ABAT: variants seen among roughly 807,000 people sequenced by gnomAD.
ABAT encodes the protein 4-aminobutyrate aminotransferase.
Under a neutral mutation model 64.6 loss-of-function variants are expected in ABAT, and 45 were observed. That is an observed-to-expected ratio of 0.70 (90% CI 0.55 to 0.89). The LOEUF is 0.89. Ranked by LOEUF, ABAT falls within the 40% of genes least tolerant of loss-of-function variation. ABAT has a pLI of 0.00. For synonymous variants in ABAT, 297 were observed against 250.5 expected, an observed-to-expected ratio of 1.19 and a Z score of -1.75; for missense variants, 633 against 658.4, an observed-to-expected ratio of 0.96 and a Z score of 0.42.
chr16:8,775,496 C>G (rs767055767), intron 13 of ABAT, among the ~76,000 whole-genome samples: 1 of 152,064 alleles, frequency 6.6e-6, no homozygotes, highest in African/African-American at 2.4e-5. Flanking sequence ...AGTGACAAAG[C>G]CAGGATTCCA....
At chr16:8,745,690 T>A (rs183843091) in intron 2 of ABAT, among the ~76,000 whole-genome samples, 45 of 151,750 alleles carry the variant, frequency 3.0e-4, no homozygotes, top group African/African-American at 9.9e-4. Context: ...AGAGCAAGAC[T>A]CTGTCTCAAA....
chr16:8,690,910 G>A (rs77906579), intron 1 of ABAT, among the ~76,000 whole-genome samples: 1 of 152,286 alleles, frequency 6.6e-6, no homozygotes, highest in South Asian at 2.1e-4. Context: ...TTCTTTGTGG[G>A]TTTTCAAGGT....
At chr16:8,743,423 T>TTTTATATATATATATA (rs1288241223) in intron 2 of ABAT, among the ~76,000 whole-genome samples, 2 of 45,296 alleles carry the variant, frequency 4.4e-5, no homozygotes, top group Non-Finnish European at 3.8e-5. Context: ...ATGGAAACAG[T>TTTTATATATATATATA]TATATATATA....
At chr16:8,775,534 C>A (rs916133341) in intron 13 of ABAT, among the ~76,000 whole-genome samples, 3 of 147,718 alleles carry the variant, frequency 2.0e-5, no homozygotes, top group Non-Finnish European at 4.5e-5. Context: ...TTACCCACTA[C>A]ACTGTGTACT....
At chr16:8,734,382 C>G (rs1227557594) in intron 1 of ABAT, among the ~76,000 whole-genome samples, 1 of 152,092 alleles carries the variant, frequency 6.6e-6, no homozygotes, top group Non-Finnish European at 1.5e-5. Flanking sequence ...AGTCAGCACT[C>G]AATGGAGTAC....
intron 1 of ABAT, among the ~76,000 whole-genome samples, chr16:8,678,332 A>G (rs956942555): frequency 3.9e-5 from 6 of 152,138 alleles, no homozygotes; most frequent in African/African-American, 1.4e-4. Flanking sequence ...AGTGTGAGTT[A>G]CAACCAAAGC....
intron 9 of ABAT, among the ~76,000 whole-genome samples, chr16:8,767,706 G>C (rs901379536): frequency 6.6e-6 from 1 of 152,114 alleles, no homozygotes; most frequent in African/African-American, 2.4e-5. Flanking sequence ...ACAGAGTCTC[G>C]CTCTTGTTGA....
intron 15 of ABAT, among the ~76,000 whole-genome samples, chr16:8,780,055 C>A (rs949370595): frequency 6.6e-6 from 1 of 152,072 alleles, no homozygotes; most frequent in Non-Finnish European, 1.5e-5. Context: ...TAAGTCTTGA[C>A]AAACAGGGAT....
At position 8,781,820 on chromosome 16, in the gene ABAT, A is replaced by G. The variant is rs1185464181; in HGVS notation, c.*390A>G. The G allele has an allele frequency of 5.6e-6, 2 of 357,568 alleles. No homozygotes were observed. The highest frequency in any genetic ancestry group is 2.1e-5 in the African/African-American group (1 of 46,996). The allele number at this position is 357,568 out of a possible 1,614,324, so 22.1% of individuals were successfully genotyped here. A position where few individuals can be genotyped will look rare whatever the true frequency, so the allele number is the denominator to read the frequency against. ...AGCTGGGCCTCCTGGGTGCCAGTCCATCTCAAGTGCCATATTCTGTGATCA... is the reference window on the plus strand; with the variant it reads ...AGCTGGGCCTCCTGGGTGCCAGTCCGTCTCAAGTGCCATATTCTGTGATCA... On this transcript the variant is annotated 3_prime_UTR_variant, in exon 16 of 16. Coordinates refer to ENST00000268251, the MANE Select transcript of ABAT (RefSeq NM_020686.6). The surrounding 1 kb of genome is among the most constrained non-coding windows in gnomAD (Gnocchi z 4.5).
intron 1 of ABAT, chr16:8,683,383 A>C (rs1205715299): frequency 2.0e-5 from 3 of 153,056 alleles, no homozygotes; most frequent in Non-Finnish European, 1.5e-5. Context: ...TTCGGCATCA[A>C]TATGGTGACC....
chr16:8,714,579 T>C (rs1363731033), intron 1 of ABAT: 1 of 152,344 alleles, frequency 6.6e-6, no homozygotes, highest in African/African-American at 2.4e-5. Flanking sequence ...AAAATGCAAT[T>C]TCATTTGCAG....
chr16:8,686,735 T>G (rs2057464647), intron 1 of ABAT, among the ~76,000 whole-genome samples: 1 of 152,150 alleles, frequency 6.6e-6, no homozygotes, highest in Non-Finnish European at 1.5e-5. Context: ...CGCCTCTGCA[T>G]ATGCCCACTG....
intron 1 of ABAT, among the ~76,000 whole-genome samples, chr16:8,734,259 C>G (rs2058846489): frequency 1.3e-5 from 2 of 152,240 alleles, no homozygotes; most frequent in Non-Finnish European, 2.9e-5. Context: ...ATAATGATGC[C>G]CTTGTTTATG....
rs1316680969 is a variant in ABAT, at chr16:8,737,918, A to AT, written c.70+2111dup. On this transcript the variant is annotated intron_variant, in intron 2 of 15. Transcript: ENST00000268251. Reference sequence around the variant, plus strand: ...ACTTCAGCCTGGGCAACAGACTGAGATTAAAAAAAAAAAAAAGAAAGGAAA... The same window carrying AT: ...ACTTCAGCCTGGGCAACAGACTGAGATTTAAAAAAAAAAAAAAGAAAGGAAA... Among the ~76,000 whole-genome samples the AT allele has an allele frequency of 1.4e-4, 4 of 28,088 alleles. 1 individual carries two copies. Among genetic ancestry groups the AT allele is most frequent in the Non-Finnish European group, 2.8e-4 (4 of 14,314 alleles). 18.4% of individuals were successfully genotyped at this position (28,088 alleles called of 152,430 possible).
At chr16:8,748,684 T>C (rs1367702648) in intron 4 of ABAT, among the ~76,000 whole-genome samples, 1 of 2,716 alleles carries the variant, frequency 3.7e-4, no homozygotes, top group Non-Finnish European at 0.042. Flanking sequence ...GATTCTGTTT[T>C]TGTCTGTGTA....
At chr16:8,755,742 A>G (rs945935730) in intron 5 of ABAT, among the ~76,000 whole-genome samples, 2 of 142,836 alleles carry the variant, frequency 1.4e-5, no homozygotes, top group African/African-American at 5.2e-5. Flanking sequence ...AAAACCTCAT[A>G]TCTACTAAAA....
intron 2 of ABAT, among the ~76,000 whole-genome samples, chr16:8,744,258 C>G (rs1408746047): frequency 1.3e-5 from 2 of 152,234 alleles, no homozygotes; most frequent in African/African-American, 4.8e-5. Flanking sequence ...GGCATGTGCT[C>G]AGCTTCTGGG....
chr16:8,679,947 C>A (rs1263847088), intron 1 of ABAT, among the ~76,000 whole-genome samples: 1 of 152,080 alleles, frequency 6.6e-6, no homozygotes, highest in Admixed American at 6.6e-5. Flanking sequence ...CTGTCTTGCC[C>A]GTTGCAGGGA....
At chr16:8,687,153 C>T (rs2057473581) in intron 1 of ABAT, among the ~76,000 whole-genome samples, 2 of 152,138 alleles carry the variant, frequency 1.3e-5, no homozygotes, top group Admixed American at 6.5e-5. Context: ...GGTGGGGACG[C>T]ACATCTGGAC....
Sources: gnomAD v4.1 joint callset for allele counts (sites outside exome capture counted in the v4.1 genomes callset) on GRCh38, gnomAD v4.1.1 for gene constraint, Gnocchi (gnomAD v3.1) non-coding constraint, MANE v1.5 for transcripts, NCBI Gene and HGNC (gene_info 2026-07-23, HGNC 2026-07-21) for gene names.